Variants in DNAH3 observed in about 807,000 individuals in gnomAD.
DNAH3 encodes the protein axonemal beta dynein heavy chain 3.
A neutral mutation model predicts 432.5 loss-of-function variants in DNAH3; 332 were observed. That is an observed-to-expected ratio of 0.77 (90% CI 0.70 to 0.84). The LOEUF is 0.84. Ranked by LOEUF, DNAH3 falls within the 40% of genes least tolerant of loss-of-function variation. The pLI is 0.00. For synonymous variants in DNAH3, 1,956 were observed against 1,900.2 expected (o/e 1.03, Z -0.76); for missense variants, 4,861 against 5,114.0 (o/e 0.95, Z 1.51).
In DNAH3 at chr16:21,058,102, G is replaced by A. The variant is rs200478185; in HGVS notation, c.3908C>T (p.Ala1303Val). Residue 1303 changes from alanine (A) to valine (V), a missense_variant, in exon 27 of 62, where the codon GCG becomes GTG. By Grantham distance (64) the Ala-to-Val change is moderately conservative. Transcript: ENST00000261383. ...TTCACTTACCAGTAAGGTATTTTCC[G>A]CCAGGGCTTGGGACACCTCCTGGGT... The A allele has an allele frequency of 5.9e-5, 95 of 1,606,698 alleles. No individual in the cohort carries two copies. The African/African-American group carries it at 1.0e-3, about 17-fold the overall frequency.
intron 22 of DNAH3, among the ~76,000 whole-genome samples, chr16:21,069,940 C>T (rs998653735): frequency 7.2e-5 from 11 of 152,106 alleles, no homozygotes; most frequent in South Asian, 2.1e-4. Flanking sequence ...GATTACAAAC[C>T]GTGTTTTCCA....
At chr16:21,104,020 A>AT (rs2091895085) in intron 16 of DNAH3, 1 of 165,684 alleles carries the variant, frequency 6.0e-6, no homozygotes, top group Admixed American at 5.9e-5. Context: ...TAATGAATGA[A>AT]TAAGTGATTA....
At chr16:21,031,275 C>T (rs755641783) in exon 37 of DNAH3, 22 of 1,614,034 alleles carry the variant, frequency 1.4e-5, no homozygotes, top group South Asian at 8.8e-5. Flanking sequence ...GCAAACTCCT[C>T]CATCTGATTG....
rs367961280 is a variant in DNAH3 at position 21,024,670 on chromosome 16, G to T, written c.5572C>A (p.Leu1858Ile). The change falls in exon 39 of 62, where the codon CTA (leucine) becomes ATA (isoleucine). Residue 1858 changes from leucine (L) to isoleucine (I), a missense_variant. By Grantham distance (5) the Leu-to-Ile change is conservative. Transcript: ENST00000261383. ...GAATCCTTCAGGGGCTTCCAGCCTA[G>T]TTGATGGGGCTCCATGTAGATCATC... 7.0e-5 allele frequency: 113 copies of T among 1,613,908 alleles called. No homozygotes were observed. The Middle Eastern group carries it at 8.2e-4, about 12-fold the overall frequency.
chr16:21,120,645 G>T, intron 11 of DNAH3: 1 of 939,192 alleles, frequency 1.1e-6, no homozygotes, highest in Non-Finnish European at 1.7e-6. Flanking sequence ...GTCTCGTAAA[G>T]TCATTGGTAT....
chr16:21,037,171 T>C (rs558720389), intron 34 of DNAH3, among the ~76,000 whole-genome samples: 38 of 152,266 alleles, frequency 2.5e-4, no homozygotes, highest in African/African-American at 8.9e-4. Flanking sequence ...CAGCTGTGCA[T>C]GGTGGCTCAT....
In DNAH3 at chr16:21,047,557, T is replaced by G. The variant is rs1310212858; in HGVS notation, c.4461+2012A>C. On this transcript the variant is annotated intron_variant, in intron 31 of 61. Transcript: ENST00000261383. ...CCTTTAAGCACTTCTCTGTATTGGTTATTCTAGTTATACATTCTTCTAAAT... is the reference window on the plus strand; with the variant it reads ...CCTTTAAGCACTTCTCTGTATTGGTGATTCTAGTTATACATTCTTCTAAAT... Among the ~76,000 whole-genome samples, 8 of 150,192 alleles carry G rather than the reference T, an allele frequency of 5.3e-5. No homozygotes were observed. The East Asian group carries it at 1.6e-3, about 30-fold the overall frequency.
At chr16:21,101,574 GA>G (rs1185328645) in intron 16 of DNAH3, among the ~76,000 whole-genome samples, 4 of 152,166 alleles carry the variant, frequency 2.6e-5, no homozygotes, top group African/African-American at 9.7e-5. Flanking sequence ...CATGTTCAAA[GA>G]AAGATACTTT....
intron 50 of DNAH3, among the ~76,000 whole-genome samples, chr16:20,976,870 G>C (rs552136982): frequency 6.6e-6 from 1 of 152,296 alleles, no homozygotes; most frequent in South Asian, 2.1e-4. Flanking sequence ...TCTTGATCTT[G>C]AACTTCCCAG....
intron 17 of DNAH3, among the ~76,000 whole-genome samples, chr16:21,098,163 C>G (rs2091737077): frequency 6.6e-6 from 1 of 152,140 alleles, no homozygotes; most frequent in Non-Finnish European, 1.5e-5. Context: ...TACCAGTGAG[C>G]CAGGTGTGGT....
chr16:21,046,670 T>C, intron 31 of DNAH3, among the ~76,000 whole-genome samples: 1 of 152,212 alleles, frequency 6.6e-6, no homozygotes, highest in Non-Finnish European at 1.5e-5. Context: ...ATTTAGTCCA[T>C]TTACATTTAA....
rs753633475 is a variant in DNAH3, at chr16:21,111,816, A to G, written c.1921-12T>C. On this transcript the variant is annotated splice_polypyrimidine_tract_variant and intron_variant, in intron 13 of 61. Coordinates refer to ENST00000261383, the Ensembl canonical transcript of DNAH3. ...ATGGCATTGATCTTCTGCAGAAAGGAGCACATTCAGTAGCTTGATTTGCCC... is the reference window on the plus strand; with the variant it reads ...ATGGCATTGATCTTCTGCAGAAAGGGGCACATTCAGTAGCTTGATTTGCCC... 9.9e-6 allele frequency: 16 copies of G among 1,610,204 alleles called. No homozygotes were observed. The highest frequency in any genetic ancestry group is 3.3e-4 in the Middle Eastern group (2 of 6,062).
chr16:20,961,355 G>A (rs1679745510), intron 53 of DNAH3, among the ~76,000 whole-genome samples: 1 of 151,996 alleles, frequency 6.6e-6, no homozygotes, highest in African/African-American at 2.4e-5. Flanking sequence ...TGGGGTGCGG[G>A]GAGGGAGAAA....
intron 18 of DNAH3, among the ~76,000 whole-genome samples, chr16:21,094,508 G>A (rs977637304): frequency 1.3e-5 from 2 of 151,868 alleles, no homozygotes; most frequent in Admixed American, 6.6e-5. Context: ...CCGGCTCTAC[G>A]AAAAATGCAA....
intron 1 of DNAH3, among the ~76,000 whole-genome samples, chr16:21,147,875 T>C (rs902030203): frequency 6.6e-6 from 1 of 152,218 alleles, no homozygotes; most frequent in African/African-American, 2.4e-5. Flanking sequence ...CTGGGACTAG[T>C]GATGGAGAAA....
chr16:21,060,065 A>G (rs1346987758), intron 26 of DNAH3, among the ~76,000 whole-genome samples, 199 bp downstream of exon 26: 2 of 152,094 alleles, frequency 1.3e-5, no homozygotes, highest in African/African-American at 2.4e-5. Flanking sequence ...CTCTTGCATC[A>G]CCTGCTTCTA....
At chr16:20,985,635 T>C (rs1567585105) in exon 48 of DNAH3, 9 of 1,614,250 alleles carry the variant, frequency 5.6e-6, no homozygotes, top group Non-Finnish European at 5.1e-6. Flanking sequence ...GGTCACTTTC[T>C]GGCTTGAAAT....
At chr16:21,015,422 G>C (rs1161816494) in intron 41 of DNAH3, among the ~76,000 whole-genome samples, 1 of 152,150 alleles carries the variant, frequency 6.6e-6, no homozygotes, top group Non-Finnish European at 1.5e-5. Flanking sequence ...TGAAGAGGTG[G>C]AGCACAGGAT....
chr16:21,012,352 C>T (rs1362254255), intron 41 of DNAH3, among the ~76,000 whole-genome samples: 2 of 151,918 alleles, frequency 1.3e-5, no homozygotes, highest in Admixed American at 1.3e-4. Context: ...GAAACAAAAC[C>T]TACAAAAACA....
Sources: allele counts gnomAD v4.1 joint callset (sites outside exome capture counted in the v4.1 genomes callset), GRCh38; gene constraint gnomAD v4.1.1; transcripts MANE v1.5; gene names NCBI Gene and HGNC (gene_info 2026-07-23, HGNC 2026-07-21).